Variants in ZNF33B observed in about 807,000 individuals in gnomAD.
ZNF33B encodes the protein zinc finger protein 11b (KOX 2).
A neutral mutation model predicts 45.8 loss-of-function variants in ZNF33B; 29 were observed. That is an observed-to-expected ratio of 0.63 (90% CI 0.47 to 0.86). The LOEUF (loss-of-function observed/expected upper bound fraction) is 0.86, where lower values mean the gene tolerates loss of function less well. ZNF33B is among the 40% of genes least tolerant of loss of function. The pLI is 0.00. For synonymous variants in ZNF33B, 305 were observed against 307.8 expected, an observed-to-expected ratio of 0.99 and a Z score of 0.10; for missense variants, 831 against 909.9, an observed-to-expected ratio of 0.91 and a Z score of 1.12.
chr10:42,611,727 A>C (rs1838103289), intron 4 of ZNF33B, among the ~76,000 whole-genome samples: 1 of 152,218 alleles, frequency 6.6e-6, no homozygotes, highest in Non-Finnish European at 1.5e-5. Flanking sequence ...AGAATATGTA[A>C]AACACTCTTA....
At position 42,593,407 on chromosome 10, in the gene ZNF33B, G is replaced by A; in HGVS notation, c.1543C>T (p.His515Tyr). ...TFYHKSVLTR[H>Y]QIIHTGLKPY... The stretch of plus-strand genomic sequence containing the variant: ...TTCAACCCTGTATGAATTATCTGAT[G>A]CCTGGTGAGTACTGACTTGTGGTAG... The change falls in exon 5 of 5, where the codon CAT becomes TAT. Residue 515 changes from histidine (H) to tyrosine (Y), a missense_variant. Transcript: ENST00000359467. 1 of 1,614,022 alleles carries A rather than the reference G, an allele frequency of 6.2e-7. No individual in the cohort carries two copies. Among genetic ancestry groups the A allele is most frequent in the Non-Finnish European group, 8.5e-7 (1 of 1,179,988 alleles).
At chr10:42,596,977 T>A (rs1255067570) in intron 4 of ZNF33B, among the ~76,000 whole-genome samples, 1 of 152,012 alleles carries the variant, frequency 6.6e-6, no homozygotes, top group East Asian at 1.9e-4. Flanking sequence ...TGAGTGTACA[T>A]CCTTGTCATG....
rs776997862 is a variant in ZNF33B at position 42,594,621 on chromosome 10, T to C, written c.329A>G (p.Asn110Ser). The C allele has an allele frequency of 2.0e-5, 32 of 1,610,150 alleles. No individual in the cohort carries two copies. Among genetic ancestry groups the C allele is most frequent in the Non-Finnish European group, 2.5e-5 (30 of 1,178,928 alleles). ...TTGTTCCTTAGTCAGCATTTCATTA[T>C]TGATGAATACAACTTCCCACAAATG... ...SKHLWEVVFI[N>S]NEMLTKEQGN... is the part of the protein sequence containing the mutation. Residue 110 changes from asparagine to serine, a missense_variant, in exon 5 of 5, where the codon AAT becomes AGT. Coordinates refer to ENST00000359467, the MANE Select transcript of ZNF33B (RefSeq NM_006955.3).
At chr10:42,583,095 C>G in intron 1 of ZNF33B, 1 of 803,766 alleles carries the variant, frequency 1.2e-6, no homozygotes, top group Non-Finnish European at 2.2e-6. Context: ...ATCCAAGGTC[C>G]AGGATCAGTG....
At chr10:42,632,784 G>T (rs752278389) in intron 2 of ZNF33B, 37 of 269,400 alleles carry the variant, frequency 1.4e-4, no homozygotes, top group Non-Finnish European at 2.2e-4. Flanking sequence ...AGCAAAGTTA[G>T]CTCTGCTTTG....
At chr10:42,599,398 T>C (rs950549053) in intron 4 of ZNF33B, among the ~76,000 whole-genome samples, 5 of 151,912 alleles carry the variant, frequency 3.3e-5, no homozygotes, top group African/African-American at 1.2e-4. Context: ...CTAAGACCAT[T>C]GATTTAGACC....
At chr10:42,582,918 G>T in intron 1 of ZNF33B, 1 of 501,446 alleles carries the variant, frequency 2.0e-6, no homozygotes, top group South Asian at 2.2e-5. Flanking sequence ...TTCCAAATTT[G>T]TTGCAGAGAA....
chr10:42,577,800 A>G (rs1370725537), intron 1 of ZNF33B, among the ~76,000 whole-genome samples: 2 of 152,150 alleles, frequency 1.3e-5, no homozygotes, highest in African/African-American at 4.8e-5. Context: ...TTTCAGCTGC[A>G]ATTTGTATAT....
chr10:42,632,365 G>C lies in ZNF33B; in HGVS notation c.84C>G (p.His28Gln), dbSNP rs1839100912. ...TVGFTQEEWQ[H>Q]LDPSQRALYR... The stretch of plus-strand genomic sequence containing the variant: ...ACAGAGCCCTCTGACTAGGGTCCAG[G>C]TGCTGCCACTCCTCCTGGGTGAAGC... The change falls in exon 3 of 5, where the codon CAC (histidine) becomes CAG (glutamine). Residue 28 changes from histidine to glutamine, a missense_variant. His to Gln is a conservative substitution (Grantham distance 24, BLOSUM62 0). Coordinates refer to ENST00000359467, the MANE Select transcript of ZNF33B (RefSeq NM_006955.3). The C allele has an allele frequency of 6.2e-7, 1 of 1,613,578 alleles. No individual in the cohort carries two copies. The highest frequency in any genetic ancestry group is 1.7e-5 in the Admixed American group (1 of 59,860).
At chr10:42,583,289 C>A in intron 1 of ZNF33B, 1 of 474,592 alleles carries the variant, frequency 2.1e-6, no homozygotes, top group Non-Finnish European at 3.9e-6. Flanking sequence ...AGGTGTCCTC[C>A]TTCAAGCTTT....
intron 4 of ZNF33B, among the ~76,000 whole-genome samples, chr10:42,620,216 T>TG (rs1488360400): frequency 4.0e-5 from 5 of 124,862 alleles, no homozygotes; most frequent in South Asian, 2.3e-4. Flanking sequence ...ACTTTGGTCT[T>TG]GAAAAAAAAA....
At chr10:42,601,112 T>A (rs1279406440) in intron 4 of ZNF33B, among the ~76,000 whole-genome samples, 1 of 152,212 alleles carries the variant, frequency 6.6e-6, no homozygotes, top group Non-Finnish European at 1.5e-5. Context: ...AAAAATAATG[T>A]TCTACTATTT....
chr10:42,595,639 A>G (rs1837366956), intron 4 of ZNF33B, among the ~76,000 whole-genome samples: 1 of 152,292 alleles, frequency 6.6e-6, no homozygotes, highest in South Asian at 2.1e-4. Flanking sequence ...ATACAATGGC[A>G]TTCATGTCCT....
chr10:42,588,209 C>T (rs1035985513), downstream of ZNF33B, among the ~76,000 whole-genome samples: 1 of 152,154 alleles, frequency 6.6e-6, no homozygotes, highest in Admixed American at 6.5e-5. Context: ...ACAGGCTGAG[C>T]CCAAGTCAAG....
chr10:42,637,810 G>C (rs897069647), intron 1 of ZNF33B, among the ~76,000 whole-genome samples: 2 of 152,052 alleles, frequency 1.3e-5, no homozygotes, highest in African/African-American at 4.8e-5. Context: ...AGGCCACCAC[G>C]CATGGCTACT....
In ZNF33B at chr10:42,633,325, C is replaced by CTT. The variant is rs371361278; in HGVS notation, c.10-888_10-887dup. 2.2e-4 allele frequency among the ~76,000 whole-genome samples: 34 copies of CTT among 152,222 alleles called. 1 individual carries two copies. Among genetic ancestry groups the CTT allele is most frequent in the African/African-American group, 8.2e-4 (34 of 41,542 alleles). On this transcript the variant is annotated intron_variant, in intron 2 of 4. Transcript: ENST00000359467. ...GTTCTGGATATCCTCTAGGGCACATCTTTTAGGGATCACTGCTGTGAAAAA... is the reference window on the plus strand; with the variant it reads ...GTTCTGGATATCCTCTAGGGCACATCTTTTTTAGGGATCACTGCTGTGAAAAA...
intron 4 of ZNF33B, among the ~76,000 whole-genome samples, chr10:42,617,448 G>A (rs969320093): frequency 4.6e-5 from 7 of 152,086 alleles, no homozygotes; most frequent in African/African-American, 7.2e-5. Context: ...GAAATAATGA[G>A]AAGATTCTGT....
At chr10:42,598,761 G>A (rs1273995518) in intron 4 of ZNF33B, among the ~76,000 whole-genome samples, 1 of 152,128 alleles carries the variant, frequency 6.6e-6, no homozygotes, top group Non-Finnish European at 1.5e-5. Flanking sequence ...TGGTCATGAG[G>A]TATTAATAAC....
At position 42,579,061 on chromosome 10, in the gene ZNF33B, C is replaced by CG. The variant is rs1392064358; in HGVS notation, c.74-4384dup. ...ACCCCTGCTGGTCATTGTCTCTGCA[C>CG]GGGGGATGCAAGGCCATTCACTCTC... On this transcript the variant is annotated intron_variant, in intron 1 of 1. Coordinates refer to the ZNF33B transcript ENST00000462075. Among the ~76,000 whole-genome samples the CG allele has an allele frequency of 3.9e-5, 6 of 152,148 alleles. No homozygotes were observed. The East Asian group carries it at 1.2e-3, about 29-fold the overall frequency.
Sources: gnomAD v4.1 joint callset for allele counts (sites outside exome capture counted in the v4.1 genomes callset) on GRCh38, gnomAD v4.1.1 for gene constraint, MANE v1.5 for transcripts, NCBI Gene and HGNC (gene_info 2026-07-23, HGNC 2026-07-21) for gene names.